Variants in DAPK1 observed in about 807,000 individuals in gnomAD.
The protein encoded by DAPK1 is death associated protein kinase 1.
A neutral mutation model predicts 144.9 loss-of-function variants in DAPK1; 56 were observed. The observed-to-expected ratio is 0.39, with a 90% CI of 0.31 to 0.48. The LOEUF (loss-of-function observed/expected upper bound fraction) is 0.48, where lower values mean the gene tolerates loss of function less well. DAPK1 is among the 20% of genes least tolerant of loss of function. DAPK1 has a pLI of 0.95. For missense variants in DAPK1, 1,454 were observed against 1,875.4 expected (o/e 0.78, Z 4.15); for synonymous variants, 690 against 749.0 (o/e 0.92, Z 1.29).
rs780395876 is a variant in DAPK1 at position 87,648,849 on chromosome 9, C to T, written c.1398C>T (p.Ser466=). ...CTGACGTGGCTCAGTTACTGTGCAG[C>T]TTCGGCTCAAATCCCAATATCCAGG... ...GHADVAQLLC[S]FGSNPNIQDK... The change falls in exon 15 of 26, where the codon AGC becomes AGT. Residue 466 remains serine, a synonymous_variant. Transcript: ENST00000408954. 1.9e-6 allele frequency: 3 copies of T among 1,614,254 alleles called. No individual in the cohort carries two copies. The highest frequency in any genetic ancestry group is 2.2e-5 in the East Asian group (1 of 44,886).
intron 2 of DAPK1, among the ~76,000 whole-genome samples, chr9:87,602,525 CA>C (rs1279805997): frequency 6.6e-6 from 1 of 152,180 alleles, no homozygotes; most frequent in Non-Finnish European, 1.5e-5. Flanking sequence ...GAGAAACTTC[CA>C]ATATAGAACA....
At chr9:87,603,190 G>C (rs1197050602) in intron 2 of DAPK1, among the ~76,000 whole-genome samples, 1 of 152,104 alleles carries the variant, frequency 6.6e-6, no homozygotes, top group Non-Finnish European at 1.5e-5. Flanking sequence ...GACTCTAAAG[G>C]AAGCAGCTGA....
intron 2 of DAPK1, among the ~76,000 whole-genome samples, chr9:87,523,522 A>G (rs2118268768): frequency 6.6e-6 from 1 of 152,062 alleles, no homozygotes; most frequent in South Asian, 2.1e-4. Context: ...CTGGTCTCAA[A>G]CTCTTGGGCT....
At chr9:87,587,812 G>A (rs556888189) in intron 2 of DAPK1, among the ~76,000 whole-genome samples, 1 of 152,360 alleles carries the variant, frequency 6.6e-6, no homozygotes, top group South Asian at 2.1e-4. Flanking sequence ...AAACAGTAGA[G>A]GAGAGCTTGC....
intron 2 of DAPK1, among the ~76,000 whole-genome samples, chr9:87,556,900 G>A (rs914317621): frequency 1.1e-4 from 17 of 152,208 alleles, no homozygotes; most frequent in Admixed American, 3.9e-4. Context: ...TGCCTTGGGC[G>A]TGTTCCTTGA....
intron 2 of DAPK1, among the ~76,000 whole-genome samples, chr9:87,582,497 G>A (rs1827784018): frequency 6.6e-6 from 1 of 150,940 alleles, no homozygotes; most frequent in East Asian, 1.9e-4. Flanking sequence ...TTTCTGCTAT[G>A]TTTACTGATG....
At chr9:87,601,570 T>TG (rs956596835) in intron 2 of DAPK1, among the ~76,000 whole-genome samples, 1 of 151,994 alleles carries the variant, frequency 6.6e-6, no homozygotes, top group Non-Finnish European at 1.5e-5. Context: ...GGTAGGTACT[T>TG]GGGGGGTAAT....
intron 21 of DAPK1, among the ~76,000 whole-genome samples, chr9:87,687,341 T>C (rs1024098062): frequency 6.6e-6 from 1 of 152,204 alleles, no homozygotes; most frequent in African/African-American, 2.4e-5. Context: ...CCTACCTCCA[T>C]AAAATCAACT....
At chr9:87,605,617 A>G (rs1185888676) in intron 3 of DAPK1, among the ~76,000 whole-genome samples, 2 of 151,648 alleles carry the variant, frequency 1.3e-5, no homozygotes, top group African/African-American at 4.9e-5. Flanking sequence ...AAATGCACGA[A>G]CCCCATTTTT....
At chr9:87,704,429 A>G (rs1381657854) in intron 25 of DAPK1, among the ~76,000 whole-genome samples, 1 of 152,172 alleles carries the variant, frequency 6.6e-6, no homozygotes. Context: ...AAGGAGGGTA[A>G]TTAGGCAGCA....
intron 2 of DAPK1, among the ~76,000 whole-genome samples, chr9:87,515,909 T>TA (rs1472493499): frequency 2.2e-4 from 33 of 152,142 alleles, no homozygotes; most frequent in Admixed American, 1.4e-3. Flanking sequence ...AGGTCGGTCT[T>TA]ACCAGCCTCC....
At chr9:87,556,491 G>T (rs1826719987) in intron 2 of DAPK1, among the ~76,000 whole-genome samples, 1 of 152,168 alleles carries the variant, frequency 6.6e-6, no homozygotes, top group Non-Finnish European at 1.5e-5. Context: ...CCATGCATGG[G>T]TTAGTATTCT....
intron 2 of DAPK1, among the ~76,000 whole-genome samples, chr9:87,517,508 G>A (rs1825108662): frequency 1.3e-5 from 2 of 151,890 alleles, no homozygotes; most frequent in Admixed American, 1.3e-4. Context: ...TCATTCTTTT[G>A]TTCCCCACAT....
chr9:87,507,530 T>C (rs1490595740), intron 2 of DAPK1, among the ~76,000 whole-genome samples: 1 of 152,206 alleles, frequency 6.6e-6, no homozygotes, highest in East Asian at 1.9e-4. Flanking sequence ...CCTTATGTAC[T>C]ACCTTTCGAT....
chr9:87,684,730 C>T (rs1022086678), intron 20 of DAPK1, among the ~76,000 whole-genome samples: 1 of 152,088 alleles, frequency 6.6e-6, no homozygotes, highest in Non-Finnish European at 1.5e-5. Context: ...GAGGAATTCC[C>T]GGTGACCAGG....
chr9:87,612,451 A>T (rs1245274088), intron 3 of DAPK1, among the ~76,000 whole-genome samples: 1 of 152,178 alleles, frequency 6.6e-6, no homozygotes, highest in Non-Finnish European at 1.5e-5. Flanking sequence ...CATGGAGCAG[A>T]TTCATCCTCA....
chr9:87,573,002 T>C (rs1827415448), intron 2 of DAPK1, among the ~76,000 whole-genome samples: 1 of 152,204 alleles, frequency 6.6e-6, no homozygotes, highest in Non-Finnish European at 1.5e-5. Context: ...AGATGCTGAT[T>C]CTGAAGACAG....
intron 3 of DAPK1, among the ~76,000 whole-genome samples, chr9:87,608,807 A>C (rs1828822032): frequency 6.6e-6 from 1 of 152,206 alleles, no homozygotes. Context: ...ACAGGGCTAG[A>C]CAGGTCCCTG....
chr9:87,510,762 A>G (rs116910920), intron 2 of DAPK1, among the ~76,000 whole-genome samples: 4 of 152,338 alleles, frequency 2.6e-5, no homozygotes, highest in Non-Finnish European at 5.9e-5. Context: ...TTTGGACCCA[A>G]ATCCCTGTCT....
Sources: gnomAD v4.1 joint callset for allele counts (sites outside exome capture counted in the v4.1 genomes callset) on GRCh38, gnomAD v4.1.1 for gene constraint, MANE v1.5 for transcripts, NCBI Gene and HGNC (gene_info 2026-07-23, HGNC 2026-07-21) for gene names.